The following DPP10 variants were observed in gnomAD, a reference collection of about 807,000 sequenced individuals.
DPP10 encodes dipeptidyl peptidase like 10.
A neutral mutation model predicts 120.9 loss-of-function variants in DPP10; 33 were observed. The ratio of observed to expected loss-of-function variants is 0.27; its 90% CI spans 0.21 to 0.37. DPP10 has a LOEUF of 0.37. Among genes scored for constraint, DPP10 ranks in the 10% least tolerant of loss-of-function variants. The probability of loss-of-function intolerance (pLI) is 1.00; values close to 1 mark genes in which losing one functional copy is unlikely to be tolerated. For missense variants in DPP10, 816 were observed against 942.8 expected (o/e 0.87, Z 1.76); for synonymous variants, 337 against 326.1 (o/e 1.03, Z -0.36).
At chr2:114,786,481 G>A (rs936260163) in intron 1 of DPP10, among the ~76,000 whole-genome samples, 5 of 152,134 alleles carry the variant, frequency 3.3e-5, no homozygotes, top group Non-Finnish European at 5.9e-5. Context: ...GGTGTATTTT[G>A]AAAAGAATTA....
chr2:115,012,607 C>T (rs1702347019), intron 1 of DPP10, among the ~76,000 whole-genome samples: 4 of 152,184 alleles, frequency 2.6e-5, no homozygotes, highest in Admixed American at 2.6e-4. Flanking sequence ...GTTTGGCTCA[C>T]AGGAAGCTCC....
At chr2:115,537,500 A>T (rs529757627) in intron 5 of DPP10, among the ~76,000 whole-genome samples, 3 of 151,478 alleles carry the variant, frequency 2.0e-5, no homozygotes, top group South Asian at 2.1e-4. Flanking sequence ...TTAGTGTATT[A>T]TAATTTATCA....
intron 1 of DPP10, among the ~76,000 whole-genome samples, chr2:114,540,475 T>C (rs1686865241): frequency 6.6e-6 from 1 of 152,212 alleles, no homozygotes; most frequent in South Asian, 2.1e-4. Flanking sequence ...ACCATTTCAG[T>C]AATTCCTATA....
At chr2:115,085,318 G>A (rs1347014523) in intron 1 of DPP10, among the ~76,000 whole-genome samples, 1 of 151,968 alleles carries the variant, frequency 6.6e-6, no homozygotes, top group African/African-American at 2.4e-5. Flanking sequence ...GTATGTGTAT[G>A]TGTGAGCACG....
chr2:115,718,375 C>T (rs1013302930), intron 7 of DPP10, among the ~76,000 whole-genome samples: 2 of 152,110 alleles, frequency 1.3e-5, no homozygotes, highest in Non-Finnish European at 2.9e-5. Flanking sequence ...TTGACACTGT[C>T]AGGATGAGAT....
At chr2:115,003,297 T>C (rs962628225) in intron 1 of DPP10, among the ~76,000 whole-genome samples, 3 of 151,794 alleles carry the variant, frequency 2.0e-5, no homozygotes, top group Admixed American at 6.6e-5. Context: ...TTCTCACTTA[T>C]GGGAACTAAT....
chr2:114,892,908 T>C (rs935949591), intron 1 of DPP10, among the ~76,000 whole-genome samples: 2 of 152,118 alleles, frequency 1.3e-5, no homozygotes, highest in African/African-American at 4.8e-5. Flanking sequence ...CCAAGAAAGA[T>C]GGGATTTAGC....
rs576187386 is a variant in DPP10, at chr2:114,474,114, G to A, written c.60+31276G>A. ...CTGGGATTACAGGCGTGCACCACCA[G>A]GCCCGGCTAATATTTTATATCTTCA... On this transcript the variant is annotated intron_variant, in intron 1 of 25. Coordinates refer to ENST00000410059, the MANE Select transcript of DPP10 (RefSeq NM_020868.6). 4.6e-5 allele frequency among the ~76,000 whole-genome samples: 7 copies of A among 152,110 alleles called. No individual in the cohort carries two copies. The South Asian group carries it at 1.2e-3, about 27-fold the overall frequency.
intron 3 of DPP10, among the ~76,000 whole-genome samples, chr2:115,438,038 G>GA (rs930639494): frequency 3.3e-5 from 5 of 151,770 alleles, no homozygotes; most frequent in African/African-American, 1.2e-4. Flanking sequence ...GATTCAAGCT[G>GA]AAAAAAATGA....
At chr2:115,307,328 G>A (rs2061398353) in intron 1 of DPP10, among the ~76,000 whole-genome samples, 2 of 152,056 alleles carry the variant, frequency 1.3e-5, no homozygotes, top group Non-Finnish European at 2.9e-5. Context: ...TTTGTCATGA[G>A]TTGGAGTGAC....
intron 5 of DPP10, among the ~76,000 whole-genome samples, chr2:115,590,290 T>C (rs1284226064): frequency 3.3e-5 from 5 of 152,006 alleles, no homozygotes; most frequent in Admixed American, 2.0e-4. Context: ...TTACATTAGG[T>C]ATATCTCCTA....
At chr2:114,811,214 G>C (rs939024448) in intron 1 of DPP10, among the ~76,000 whole-genome samples, 1 of 152,200 alleles carries the variant, frequency 6.6e-6, no homozygotes, top group Admixed American at 6.5e-5. Flanking sequence ...ACAGACTGGA[G>C]TAGGGACAGG....
intron 5 of DPP10, among the ~76,000 whole-genome samples, chr2:115,678,956 G>C (rs577791095): frequency 2.0e-5 from 3 of 152,284 alleles, no homozygotes; most frequent in African/African-American, 7.2e-5. Context: ...GAGCCCCTTT[G>C]TTCTGGCCAG....
At chr2:114,640,586 T>C (rs1558957623) in intron 1 of DPP10, among the ~76,000 whole-genome samples, 2 of 151,780 alleles carry the variant, frequency 1.3e-5, no homozygotes, top group Non-Finnish European at 2.9e-5. Context: ...CATCAGATTG[T>C]AGTGGTTATT....
intron 7 of DPP10, among the ~76,000 whole-genome samples, chr2:115,697,179 T>G (rs2149519324): frequency 6.6e-6 from 1 of 152,104 alleles, no homozygotes; most frequent in Non-Finnish European, 1.5e-5. Flanking sequence ...TAACAAAAGA[T>G]AAGGGATATA....
chr2:114,558,355 C>T (rs1046161092), intron 1 of DPP10, among the ~76,000 whole-genome samples: 1 of 152,190 alleles, frequency 6.6e-6, no homozygotes, highest in Non-Finnish European at 1.5e-5. Flanking sequence ...TTGAATGCAT[C>T]GAGTTTTTAT....
At chr2:114,897,450 G>T (rs1278260564) in intron 1 of DPP10, among the ~76,000 whole-genome samples, 1 of 152,192 alleles carries the variant, frequency 6.6e-6, no homozygotes, top group Non-Finnish European at 1.5e-5. Context: ...AGGACTTCAT[G>T]TCTAAAGCAC....
chr2:115,781,083 T>G (rs541576287), intron 16 of DPP10, 88 bp downstream of exon 16: 18 of 1,098,760 alleles, frequency 1.6e-5, no homozygotes, highest in Non-Finnish European at 2.0e-5. Flanking sequence ...TTACTCTAGA[T>G]GATTTCATAA....
intron 1 of DPP10, among the ~76,000 whole-genome samples, chr2:114,940,363 A>C (rs1465572066): frequency 1.3e-5 from 2 of 152,156 alleles, no homozygotes; most frequent in Non-Finnish European, 2.9e-5. Flanking sequence ...GAGGCCAGAC[A>C]CATGTTTTAT....
Sources: allele counts gnomAD v4.1 joint callset (sites outside exome capture counted in the v4.1 genomes callset), GRCh38; gene constraint gnomAD v4.1.1; transcripts MANE v1.5; gene names NCBI Gene and HGNC (gene_info 2026-07-23, HGNC 2026-07-21).